ANKS1A: variants seen among roughly 807,000 people sequenced by gnomAD.
ANKS1A encodes ankyrin repeat and sterile alpha motif domain containing 1A.
ANKS1A carries 55 observed loss-of-function variants against 120.3 expected under a neutral mutation model. That is an observed-to-expected ratio of 0.46 (90% CI 0.37 to 0.57). ANKS1A has a LOEUF of 0.57. ANKS1A is among the 20% of genes least tolerant of loss of function. The pLI is 0.00. For missense variants in ANKS1A, 1,123 were observed against 1,480.3 expected (o/e 0.76, Z 3.96); for synonymous variants, 590 against 604.7 (o/e 0.98, Z 0.36).
intron 2 of ANKS1A, 53 bp downstream of exon 2, chr6:34,967,372 C>A (rs1472435338): frequency 1.5e-5 from 23 of 1,565,086 alleles, no homozygotes; most frequent in Non-Finnish European, 2.0e-5. Flanking sequence ...CCCAGGCCTT[C>A]ACGTTGCCTT....
rs143612759 is a variant in ANKS1A, at chr6:35,050,009, C to T, written c.2011-4090C>T. On this transcript the variant is annotated intron_variant, in intron 11 of 23. Coordinates refer to ENST00000360359, the MANE Select transcript of ANKS1A (RefSeq NM_015245.3). This position sits in a 1 kb window ranked among gnomAD's most constrained non-coding sequence, Gnocchi z 4.3. ...CTAGTTGTCATCTGCGTGGCTCTGC[C>T]GCCTGGTGATGGGGGATGGAGACCT... Among the ~76,000 whole-genome samples the T allele has an allele frequency of 1.9e-3, 293 of 152,250 alleles. 2 individuals are homozygous for T. Among genetic ancestry groups the T allele is most frequent in the Middle Eastern group, 3.4e-3 (1 of 294 alleles).
rs575610292 is a variant in ANKS1A at position 35,039,717 on chromosome 6, G to T, written c.2011-14382G>T. 2.2e-4 allele frequency: 96 copies of T among 433,612 alleles called. 1 individual carries two copies. The highest frequency in any genetic ancestry group is 1.6e-3 in the South Asian group (96 of 61,794). 26.9% of individuals were successfully genotyped at this position (433,612 alleles called of 1,614,324 possible). A position where few individuals can be genotyped will look rare whatever the true frequency, so the allele number is the denominator to read the frequency against. Reference sequence around the variant, plus strand: ...TGTTTCTGCCCAGGGCTGTAGAGAAGGAAGGGTGAGAAAGGTCATTTTTCC... The same window carrying T: ...TGTTTCTGCCCAGGGCTGTAGAGAATGAAGGGTGAGAAAGGTCATTTTTCC... On this transcript the variant is annotated intron_variant, in intron 11 of 23. Coordinates refer to ENST00000360359, the MANE Select transcript of ANKS1A (RefSeq NM_015245.3).
In ANKS1A at chr6:34,977,304, A is replaced by G. The variant is rs910808259; in HGVS notation, c.436-4386A>G. Among the ~76,000 whole-genome samples, 15 of 152,240 alleles carry G rather than the reference A, an allele frequency of 9.9e-5. No homozygotes were observed. In the South Asian group the frequency reaches 1.2e-3, roughly 13 times the overall value. On this transcript the variant is annotated intron_variant, in intron 3 of 23. Transcript: ENST00000360359. The stretch of plus-strand genomic sequence containing the variant: ...TTAGTGCTTTGCATCAACAAGGCAC[A>G]TGACGTTGGTTTGTCTCATTCTTGA...
At chr6:35,054,207 T>G (rs1443660310) in intron 12 of ANKS1A, 42 bp downstream of exon 12, 1 of 1,591,804 alleles carries the variant, frequency 6.3e-7, no homozygotes. Context: ...AAACTGGCAG[T>G]CTGGCTCTTT....
intron 13 of ANKS1A, among the ~76,000 whole-genome samples, chr6:35,062,929 C>T (rs1051716592): frequency 2.0e-5 from 3 of 152,178 alleles, no homozygotes; most frequent in Admixed American, 1.3e-4. Context: ...CCCAGGTTTA[C>T]GTTTTGGGAC....
At chr6:35,091,717 G>T (rs1469314333), downstream of ANKS1A, among the ~76,000 whole-genome samples, 16 of 152,156 alleles carry the variant, frequency 1.1e-4, no homozygotes, top group Admixed American at 1.0e-3. Flanking sequence ...TCTTGGTCTG[G>T]GCTTGTCCAC....
At chr6:35,030,883 T>C (rs1774875924) in intron 11 of ANKS1A, among the ~76,000 whole-genome samples, 1 of 152,216 alleles carries the variant, frequency 6.6e-6, no homozygotes, top group African/African-American at 2.4e-5. Context: ...ACTGCTTTTG[T>C]CCCGGCCCTT....
chr6:35,016,935 CTTTTTTT>C (rs558659921), intron 10 of ANKS1A, among the ~76,000 whole-genome samples: 3 of 87,372 alleles, frequency 3.4e-5, no homozygotes, highest in Non-Finnish European at 7.1e-5. Context: ...ATCATGACCT[CTTTTTTT>C]TTTTTTTTTT....
chr6:34,920,853 C>G (rs961443185), intron 1 of ANKS1A, among the ~76,000 whole-genome samples: 7 of 152,202 alleles, frequency 4.6e-5, no homozygotes, highest in Non-Finnish European at 1.0e-4. Flanking sequence ...TGTTGGCTGA[C>G]TGGTTCCCTG....
At chr6:34,973,332 G>A (rs565839771) in intron 3 of ANKS1A, among the ~76,000 whole-genome samples, 1 of 152,278 alleles carries the variant, frequency 6.6e-6, no homozygotes, top group East Asian at 1.9e-4. Context: ...GGGAGCCTTA[G>A]TCTCCCTCCC....
chr6:35,080,645 A>C (rs114782220), intron 16 of ANKS1A, among the ~76,000 whole-genome samples: 1,785 of 152,310 alleles, frequency 0.012, 17 homozygotes, highest in African/African-American at 0.028. Flanking sequence ...AGAAGCCAGG[A>C]TTGTATTCTG....
At chr6:34,917,286 G>A (rs1768213990) in intron 1 of ANKS1A, among the ~76,000 whole-genome samples, 2 of 152,352 alleles carry the variant, frequency 1.3e-5, no homozygotes, top group African/African-American at 2.4e-5. Flanking sequence ...AGAGGTGGCA[G>A]CAGGCTTTTG....
chr6:35,074,330 G>A (rs1221607773), intron 13 of ANKS1A, among the ~76,000 whole-genome samples: 1 of 152,168 alleles, frequency 6.6e-6, no homozygotes, highest in African/African-American at 2.4e-5. Context: ...CAGGGGCAGT[G>A]GTGCACACCT....
intron 10 of ANKS1A, among the ~76,000 whole-genome samples, chr6:35,017,142 A>G (rs981630173): frequency 7.2e-5 from 11 of 152,034 alleles, no homozygotes; most frequent in African/African-American, 2.7e-4. Context: ...GGTTATACTT[A>G]ACACTCTTCT....
chr6:35,095,743 A>T (rs1056023759), downstream of ANKS1A, among the ~76,000 whole-genome samples: 1 of 152,134 alleles, frequency 6.6e-6, no homozygotes, highest in African/African-American at 2.4e-5. Context: ...TTTGAAAACT[A>T]GAACCTAGCA....
intron 1 of ANKS1A, among the ~76,000 whole-genome samples, chr6:34,931,246 A>C (rs1768967900): frequency 6.6e-6 from 1 of 151,652 alleles, no homozygotes; most frequent in African/African-American, 2.4e-5. Flanking sequence ...TCCCAGGCTC[A>C]AGCGATTCTC....
chr6:34,930,382 C>T (rs1022827166), intron 1 of ANKS1A, among the ~76,000 whole-genome samples: 2 of 152,176 alleles, frequency 1.3e-5, no homozygotes, highest in East Asian at 1.9e-4. Flanking sequence ...GGAAGGTGAA[C>T]GGATTGTCTA....
In ANKS1A at chr6:35,090,492, C is replaced by G. The variant is rs1778243328; in HGVS notation, c.*1883C>G. 20 of 1,091,576 alleles carry G rather than the reference C, an allele frequency of 1.8e-5. No individual in the cohort carries two copies. In the South Asian group the frequency reaches 4.6e-4, roughly 25 times the overall value. 67.6% of individuals were successfully genotyped at this position (1,091,576 alleles called of 1,614,324 possible). On this transcript the variant is annotated 3_prime_UTR_variant, in exon 24 of 24. Coordinates refer to ENST00000360359, the MANE Select transcript of ANKS1A (RefSeq NM_015245.3). ...CTTAGATCATCCATAGGTGTTTCTTCTGCTTGAAGCTGCTATATCATCTTT... is the reference window on the plus strand; with the variant it reads ...CTTAGATCATCCATAGGTGTTTCTTGTGCTTGAAGCTGCTATATCATCTTT...
chr6:34,984,860 G>T (rs1439993335), intron 7 of ANKS1A, among the ~76,000 whole-genome samples: 2 of 152,112 alleles, frequency 1.3e-5, no homozygotes, highest in Non-Finnish European at 2.9e-5. Context: ...GATGTCAATG[G>T]TTTTTCATAT....
Sources: allele counts gnomAD v4.1 joint callset (sites outside exome capture counted in the v4.1 genomes callset), GRCh38; gene constraint gnomAD v4.1.1; non-coding constraint Gnocchi (gnomAD v3.1); transcripts MANE v1.5; gene names NCBI Gene and HGNC (gene_info 2026-07-23, HGNC 2026-07-21).